IGF1R: variants seen among roughly 807,000 people sequenced by gnomAD.
The protein encoded by IGF1R is insulin-like growth factor 1 receptor.
IGF1R carries 44 observed loss-of-function variants against 144.6 expected under a neutral mutation model. The observed-to-expected ratio is 0.30, with a 90% confidence interval of 0.24 to 0.39. IGF1R has a LOEUF of 0.39. Among genes scored for constraint, IGF1R ranks in the 10% least tolerant of loss-of-function variants. IGF1R has a pLI of 1.00. For missense variants in IGF1R, 1,355 were observed against 1,833.7 expected, an observed-to-expected ratio of 0.74 and a Z score of 4.77; for synonymous variants, 795 against 722.8, an observed-to-expected ratio of 1.10 and a Z score of -1.60.
intron 2 of IGF1R, among the ~76,000 whole-genome samples, chr15:98,830,730 A>G (rs1241354779): frequency 6.6e-6 from 1 of 151,812 alleles, no homozygotes; most frequent in East Asian, 1.9e-4. Context: ...CAGCCTCCCA[A>G]GTAGCTAGGA....
chr15:98,753,158 T>C (rs1198097167), intron 2 of IGF1R, among the ~76,000 whole-genome samples: 2 of 151,842 alleles, frequency 1.3e-5, no homozygotes, highest in African/African-American at 4.8e-5. Context: ...GGTCTTGATC[T>C]CCTGACCTCG....
chr15:98,893,449 C>G (rs930854906), intron 3 of IGF1R: 2 of 152,214 alleles, frequency 1.3e-5, no homozygotes, highest in African/African-American at 4.8e-5. Flanking sequence ...CAAAATCAGT[C>G]TACCACATTG....
At chr15:98,708,955 A>C (rs2053930710) in intron 2 of IGF1R, among the ~76,000 whole-genome samples, 1 of 152,178 alleles carries the variant, frequency 6.6e-6, no homozygotes, top group Admixed American at 6.5e-5. Flanking sequence ...AGAATAACTG[A>C]GCTCTTGCCT....
intron 17 of IGF1R, among the ~76,000 whole-genome samples, chr15:98,937,278 C>T (rs1361857900): frequency 2.6e-5 from 4 of 152,120 alleles, no homozygotes; most frequent in African/African-American, 7.2e-5. Flanking sequence ...TTGCCAGCAT[C>T]GATTGAGGCA....
chr15:98,960,464 A>AC lies in IGF1R; in HGVS notation c.*3024dup. 1 of 231,542 alleles carries AC rather than the reference A, an allele frequency of 4.3e-6. No individual in the cohort carries two copies. Among genetic ancestry groups the AC allele is most frequent in the Non-Finnish European group, 8.5e-6 (1 of 117,126 alleles). The allele number at this position is 231,542 out of a possible 1,614,324, so 14.3% of individuals were successfully genotyped here. ...AAACTGCTTCTGTGCAGATGGAATG[A>AC]CCAACACATTTCGTCCTTAAGAGAG... On this transcript the variant is annotated 3_prime_UTR_variant, in exon 21 of 21. Coordinates refer to ENST00000650285, the MANE Select transcript of IGF1R (RefSeq NM_000875.5).
At chr15:98,758,129 C>T (rs1026349742) in intron 2 of IGF1R, among the ~76,000 whole-genome samples, 2 of 151,940 alleles carry the variant, frequency 1.3e-5, no homozygotes, top group Non-Finnish European at 2.9e-5. Flanking sequence ...TGGGCGCTCG[C>T]ATTTCTTCTT....
chr15:98,752,932 ATT>A (rs775327338), intron 2 of IGF1R, among the ~76,000 whole-genome samples: 1,458 of 69,938 alleles, frequency 0.021, 14 homozygotes, highest in South Asian at 0.089. Context: ...AAATCATACT[ATT>A]TTTTTTTTTT....
At chr15:98,881,659 C>CA (rs1207768031) in intron 2 of IGF1R, among the ~76,000 whole-genome samples, 2 of 152,146 alleles carry the variant, frequency 1.3e-5, no homozygotes, top group African/African-American at 4.8e-5. Flanking sequence ...ATGCTGCAAC[C>CA]ACATACCACC....
intron 2 of IGF1R, among the ~76,000 whole-genome samples, chr15:98,752,494 G>A (rs1479875937): frequency 6.6e-6 from 1 of 151,960 alleles, no homozygotes; most frequent in African/African-American, 2.4e-5. Flanking sequence ...CCATCCTAAC[G>A]CGGTGAAACC....
intron 2 of IGF1R, among the ~76,000 whole-genome samples, chr15:98,796,713 G>A (rs986717553): frequency 6.6e-5 from 10 of 152,116 alleles, no homozygotes; most frequent in African/African-American, 2.2e-4. Context: ...TGTGTCTATT[G>A]AATGTATTCT....
intron 2 of IGF1R, among the ~76,000 whole-genome samples, chr15:98,737,646 C>T (rs2054641826): frequency 1.3e-5 from 2 of 152,188 alleles, no homozygotes; most frequent in South Asian, 4.1e-4. Flanking sequence ...TCTTCTCCCT[C>T]TTTGCCCCGT....
In IGF1R at chr15:98,924,671, T is replaced by C. The variant is rs781437763; in HGVS notation, c.2769T>C (p.Tyr923=). 22 of 1,614,040 alleles carry C rather than the reference T, an allele frequency of 1.4e-5. 1 individual carries two copies. Among genetic ancestry groups the C allele is most frequent in the South Asian group, 1.1e-4 (10 of 91,058 alleles). The change falls in exon 13 of 21, where the codon TAT becomes TAC. Residue 923 remains tyrosine (Y), a synonymous_variant. Transcript: ENST00000650285. ...CGTGGACAGATCCTGTGTTCTTCTA[T>C]GTCCAGGCCAAAAGTAAGGCTTGTG... is the stretch of plus-strand genomic sequence containing the variant. ...NGSWTDPVFF[Y]VQAKTGYENF...
chr15:98,784,077 C>T (rs61297860), intron 2 of IGF1R, among the ~76,000 whole-genome samples: 6,554 of 141,142 alleles, frequency 0.046, 221 homozygotes, highest in East Asian at 0.15. Flanking sequence ...CGGGTTCAAG[C>T]GATTCTCCTG....
At chr15:98,945,080 C>G (rs1399574068) in intron 19 of IGF1R, among the ~76,000 whole-genome samples, 1 of 152,244 alleles carries the variant, frequency 6.6e-6, no homozygotes, top group Non-Finnish European at 1.5e-5. Context: ...CCCTGTAGCA[C>G]CATGTCCCTC....
intron 2 of IGF1R, among the ~76,000 whole-genome samples, chr15:98,781,062 C>T (rs1288766449): frequency 6.6e-6 from 1 of 152,204 alleles, no homozygotes; most frequent in Non-Finnish European, 1.5e-5. Context: ...GTCAAGACTA[C>T]AGTGAGCCAC....
Position 98,908,781 on chromosome 15 carries a change from T to C in IGF1R, c.1344T>C (p.Phe448=), listed in dbSNP as rs768040671. The C allele has an allele frequency of 1.2e-6, 2 of 1,614,222 alleles. No homozygotes were observed. Among genetic ancestry groups the C allele is most frequent in the South Asian group, 1.1e-5 (1 of 91,078 alleles). Residue 448 remains phenylalanine (F), a synonymous_variant, in exon 6 of 21, where the codon TTT becomes TTC. Transcript: ENST00000650285. ...CCATCAAAGCAGGGAAAATGTACTT[T>C]GCTTTCAATCCCAAATTATGTGTTT... ...NLTIKAGKMY[F]AFNPKLCVSE...
chr15:98,692,563 C>G (rs753631376), intron 1 of IGF1R, among the ~76,000 whole-genome samples: 1 of 152,154 alleles, frequency 6.6e-6, no homozygotes, highest in Non-Finnish European at 1.5e-5. Context: ...TATTTATTTA[C>G]CATACCCTGG....
chr15:98,804,612 G>T (rs1356999155), intron 2 of IGF1R, among the ~76,000 whole-genome samples: 2 of 152,318 alleles, frequency 1.3e-5, no homozygotes, highest in South Asian at 2.1e-4. Context: ...TTGTGAATGC[G>T]ATTGTGACTC....
intron 2 of IGF1R, among the ~76,000 whole-genome samples, chr15:98,869,324 A>AAAAAAC (rs1555454935): frequency 6.6e-6 from 1 of 151,626 alleles, no homozygotes; most frequent in Non-Finnish European, 1.5e-5. Context: ...ACAAAAAAAA[A>AAAAAAC]CACCACATAC....
Sources: gnomAD v4.1 joint callset for allele counts (sites outside exome capture counted in the v4.1 genomes callset) on GRCh38, gnomAD v4.1.1 for gene constraint, MANE v1.5 for transcripts, NCBI Gene and HGNC (gene_info 2026-07-23, HGNC 2026-07-21) for gene names.